VPS8: variants seen among roughly 807,000 people sequenced by gnomAD.
VPS8 encodes VPS8 subunit of CORVET complex, also known as vacuolar protein sorting-associated protein 8 homolog.
In VPS8, 129 loss-of-function variants were observed where a neutral mutation model predicts 216.4. That is an observed-to-expected ratio of 0.60 (90% CI 0.52 to 0.69). The LOEUF (loss-of-function observed/expected upper bound fraction) is 0.69. Ranked by LOEUF, VPS8 falls within the 30% of genes least tolerant of loss-of-function variation. The pLI is 0.00. For missense variants in VPS8, 1,531 were observed against 1,683.5 expected (o/e 0.91, Z 1.59); for synonymous variants, 571 against 565.4 (o/e 1.01, Z -0.14).
chr3:184,971,798 G>A, intron 40 of VPS8, 46 bp downstream of exon 40: 1 of 1,520,754 alleles, frequency 6.6e-7, no homozygotes, highest in Non-Finnish European at 9.0e-7. Context: ...TACTTGGCCA[G>A]ACATGGTGGC....
chr3:184,983,176 A>G, intron 42 of VPS8, 82 bp downstream of exon 42: 3 of 1,209,590 alleles, frequency 2.5e-6, no homozygotes, highest in Non-Finnish European at 2.2e-6. Context: ...TTGGGCTAAT[A>G]TTTAAATGGA....
intron 46 of VPS8, among the ~76,000 whole-genome samples, chr3:185,045,474 T>G (rs1425686527): frequency 6.6e-6 from 1 of 152,046 alleles, no homozygotes; most frequent in Admixed American, 6.5e-5. Flanking sequence ...TTGATATGTT[T>G]GTTAAGAGGT....
intron 21 of VPS8, among the ~76,000 whole-genome samples, chr3:184,876,411 G>A (rs939553552): frequency 6.6e-6 from 1 of 151,758 alleles, no homozygotes; most frequent in East Asian, 1.9e-4. Flanking sequence ...TTGGTGACCA[G>A]GATTTGTAGT....
intron 29 of VPS8, among the ~76,000 whole-genome samples, chr3:184,921,718 C>G (rs1342157726): frequency 6.6e-6 from 1 of 152,084 alleles, no homozygotes; most frequent in Non-Finnish European, 1.5e-5. Context: ...CACCTGCCAC[C>G]ACACCCAGCT....
chr3:184,956,141 TAC>T (rs1745562347), intron 36 of VPS8, among the ~76,000 whole-genome samples: 1 of 152,208 alleles, frequency 6.6e-6, no homozygotes, highest in Non-Finnish European at 1.5e-5. Flanking sequence ...TGTGTCTAAA[TAC>T]AGTCTCTTTT....
intron 21 of VPS8, among the ~76,000 whole-genome samples, chr3:184,871,673 G>A (rs111527494): frequency 3.8e-3 from 579 of 152,182 alleles, no homozygotes; most frequent in African/African-American, 0.013. Flanking sequence ...CTTGGCACTG[G>A]GCAATAGTAA....
At chr3:185,041,813 G>A (rs149303426) in intron 46 of VPS8, among the ~76,000 whole-genome samples, 5 of 152,320 alleles carry the variant, frequency 3.3e-5, no homozygotes, top group Admixed American at 6.5e-5. Context: ...ACTGCAGAGC[G>A]TAGCCTTCTG....
chr3:184,888,723 G>A (rs1208032258), intron 22 of VPS8, among the ~76,000 whole-genome samples: 3 of 152,142 alleles, frequency 2.0e-5, no homozygotes, highest in Non-Finnish European at 4.4e-5. Flanking sequence ...TTCAAATTGA[G>A]ATAATTTATA....
chr3:184,948,202 A>G (rs968498287), intron 36 of VPS8, among the ~76,000 whole-genome samples: 2 of 147,000 alleles, frequency 1.4e-5, no homozygotes, highest in African/African-American at 5.0e-5. Context: ...CAACAAGAAT[A>G]GTGATTGGCC....
intron 40 of VPS8, among the ~76,000 whole-genome samples, chr3:184,976,247 C>G (rs1357451853): frequency 1.3e-5 from 2 of 152,090 alleles, no homozygotes; most frequent in African/African-American, 2.4e-5. Context: ...GTTTATAACA[C>G]ATTCTTTTCT....
intron 10 of VPS8, among the ~76,000 whole-genome samples, 175 bp from the exon 11 acceptor site, chr3:184,852,324 TA>T (rs1255268269): frequency 6.6e-6 from 1 of 152,242 alleles, no homozygotes; most frequent in East Asian, 1.9e-4. Flanking sequence ...GGACCATTAT[TA>T]CTCTAAATAA....
chr3:184,927,575 T>C (rs1375324400), intron 31 of VPS8, among the ~76,000 whole-genome samples: 5 of 151,954 alleles, frequency 3.3e-5, no homozygotes, highest in Non-Finnish European at 2.9e-5. Flanking sequence ...TGCTTTTTAT[T>C]GTGGTAAAAT....
Position 184,875,397 on chromosome 3 carries a change from T to C in VPS8, c.1734+4592T>C, listed in dbSNP as rs1296022795. 2.6e-5 allele frequency among the ~76,000 whole-genome samples: 4 copies of C among 152,148 alleles called. No homozygotes were observed. The East Asian group carries it at 7.7e-4, about 29-fold the overall frequency. ...AAAATAACTTTTGGATCTTGTCACA[T>C]TTTGGACAGGTTGTGGCTTTTATTT... On this transcript the variant is annotated intron_variant, in intron 21 of 47. Transcript: ENST00000625842.
rs576658626 is a variant in VPS8 at position 184,898,187 on chromosome 3, G to A, written c.2005-378G>A. Among the ~76,000 whole-genome samples, 271 of 152,232 alleles carry A rather than the reference G, an allele frequency of 1.8e-3. 2 individuals are homozygous for A. Among genetic ancestry groups the A allele is most frequent in the African/African-American group, 6.3e-3 (263 of 41,536 alleles). On this transcript the variant is annotated intron_variant, in intron 23 of 47. Transcript: ENST00000625842. ...CAAGATCAATGTAAGTTCTATAAGG[G>A]TAGGGACAAAGTCTGGATTTATCTT... is the stretch of plus-strand genomic sequence containing the variant.
chr3:184,924,770 G>C (rs1192189764), intron 29 of VPS8, 92 bp from the exon 30 acceptor site: 2 of 1,452,694 alleles, frequency 1.4e-6, no homozygotes, highest in Non-Finnish European at 1.8e-6. Context: ...CGCGTCTTCA[G>C]TCATGAGGCT....
At chr3:184,879,535 G>C (rs997887249) in intron 21 of VPS8, among the ~76,000 whole-genome samples, 1 of 152,162 alleles carries the variant, frequency 6.6e-6, no homozygotes, top group Non-Finnish European at 1.5e-5. Flanking sequence ...AGGTCTGGCT[G>C]TATGAACTGA....
chr3:184,826,766 TATA>T (rs563226068), intron 3 of VPS8, among the ~76,000 whole-genome samples: 178 of 152,394 alleles, frequency 1.2e-3, no homozygotes, highest in Non-Finnish European at 2.2e-3. Context: ...CTTGCAACCT[TATA>T]ATAAGCTTCA....
At chr3:184,995,555 G>A (rs376533723) in intron 43 of VPS8, among the ~76,000 whole-genome samples, 4 of 152,298 alleles carry the variant, frequency 2.6e-5, no homozygotes, top group East Asian at 3.9e-4. Context: ...AAGTTAAAGA[G>A]TTAAGCTGTA....
chr3:184,835,907 C>A (rs1166793529), intron 5 of VPS8, among the ~76,000 whole-genome samples: 1 of 151,918 alleles, frequency 6.6e-6, no homozygotes, highest in Non-Finnish European at 1.5e-5. Flanking sequence ...GACACGGTTT[C>A]AACGTGTTAG....
Sources: allele counts gnomAD v4.1 joint callset (sites outside exome capture counted in the v4.1 genomes callset), GRCh38; gene constraint gnomAD v4.1.1; transcripts MANE v1.5; gene names NCBI Gene and HGNC (gene_info 2026-07-23, HGNC 2026-07-21).